Variants in SPRYD4 observed in about 807,000 individuals in gnomAD.
SPRYD4 encodes the protein SPRY domain-containing protein 4.
In SPRYD4, 12 loss-of-function variants were observed where a neutral mutation model predicts 16.6. The ratio of observed to expected loss-of-function variants is 0.72; its 90% CI spans 0.46 to 1.17. The LOEUF (loss-of-function observed/expected upper bound fraction) is 1.17, where lower values mean the gene tolerates loss of function less well. SPRYD4 is among the 50% of genes most tolerant of loss of function. The pLI is 0.00. For synonymous variants in SPRYD4, 98 were observed against 105.4 expected, an observed-to-expected ratio of 0.93 and a Z score of 0.43; for missense variants, 260 against 260.2, an observed-to-expected ratio of 1.00 and a Z score of 0.00.
In SPRYD4 at chr12:56,475,899, T is replaced by C. The variant is rs1307937516; in HGVS notation, c.*6322T>C. Reference sequence around the variant, plus strand: ...ACTGGGGCAGCTGGAGAGGACAGCATGCCATGGCGAAATGCAGCCAGGGGC... The same window carrying C: ...ACTGGGGCAGCTGGAGAGGACAGCACGCCATGGCGAAATGCAGCCAGGGGC... On this transcript the variant is annotated 3_prime_UTR_variant, in exon 2 of 2. Coordinates refer to ENST00000338146, the MANE Select transcript of SPRYD4 (RefSeq NM_207344.4). 2.5e-6 allele frequency: 4 copies of C among 1,606,754 alleles called. No individual in the cohort carries two copies. The highest frequency in any genetic ancestry group is 3.4e-6 in the Non-Finnish European group (4 of 1,173,678).
chr12:56,473,881 GTAAA>G lies in SPRYD4; in HGVS notation c.*4311_*4314del, dbSNP rs1869536901. 1 of 306,748 alleles carries G rather than the reference GTAAA, an allele frequency of 3.3e-6. No individual in the cohort carries two copies. Among genetic ancestry groups the G allele is most frequent in the Non-Finnish European group, 6.0e-6 (1 of 167,380 alleles). 19.0% of individuals were successfully genotyped at this position (306,748 alleles called of 1,614,324 possible). The stretch of plus-strand genomic sequence containing the variant: ...GTGTTAGGAGATAGGTAATAAACAG[GTAAA>G]TAAATAGACACGTAATGTTTAAAGT... On this transcript the variant is annotated 3_prime_UTR_variant, in exon 2 of 2. Transcript: ENST00000338146.
In SPRYD4 at chr12:56,473,405, A is replaced by G; in HGVS notation, c.*3828A>G. ...ATTGCTTTATTATAGTAAAAGTGGT[A>G]CCATTAAACAAATTTATTGCTTCAA... On this transcript the variant is annotated 3_prime_UTR_variant, in exon 2 of 2. Coordinates refer to ENST00000338146, the MANE Select transcript of SPRYD4 (RefSeq NM_207344.4). 6.2e-7 allele frequency: 1 copy of G among 1,603,210 alleles called. No individual in the cohort carries two copies. The highest frequency in any genetic ancestry group is 8.5e-7 in the Non-Finnish European group (1 of 1,173,740).
Position 56,468,585 on chromosome 12 carries a change from G to A in SPRYD4, c.-7G>A, listed in dbSNP as rs768338495. ...GGGAGGCGTGCCCGGTTCATCCAAGGCGCAAGATGGCGCTGCTTTTTGCAC... is the reference window on the plus strand; with the variant it reads ...GGGAGGCGTGCCCGGTTCATCCAAGACGCAAGATGGCGCTGCTTTTTGCAC... On this transcript the variant is annotated 5_prime_UTR_variant, in exon 1 of 2. Coordinates refer to ENST00000338146, the MANE Select transcript of SPRYD4 (RefSeq NM_207344.4). The A allele has an allele frequency of 5.0e-6, 8 of 1,612,644 alleles. No individual in the cohort carries two copies. The Admixed American group carries it at 6.7e-5, about 13-fold the overall frequency.
In SPRYD4 at chr12:56,473,859, TTAGGAGA is replaced by T. The variant is rs1050846922; in HGVS notation, c.*4287_*4293del. 53 of 383,846 alleles carry T rather than the reference TTAGGAGA, an allele frequency of 1.4e-4. 1 individual carries two copies. The highest frequency in any genetic ancestry group is 1.0e-3 in the African/African-American group (51 of 48,608). 23.8% of individuals were successfully genotyped at this position (383,846 alleles called of 1,614,324 possible). ...AGAACTAGGAACTTCCATTCTGGTGTTAGGAGATAGGTAATAAACAGGTAAATAAATA... is the reference window on the plus strand; with the variant it reads ...AGAACTAGGAACTTCCATTCTGGTGTTAGGTAATAAACAGGTAAATAAATA... On this transcript the variant is annotated 3_prime_UTR_variant, in exon 2 of 2. Coordinates refer to ENST00000338146, the MANE Select transcript of SPRYD4 (RefSeq NM_207344.4).
chr12:56,472,595 A>G lies in SPRYD4; in HGVS notation c.*3018A>G. ...GCAATCTATATCCATTCTAATTCCA[A>G]AGCTGAAGCACTTAACTATTTTGTT... On this transcript the variant is annotated 3_prime_UTR_variant, in exon 2 of 2. Coordinates refer to ENST00000338146, the MANE Select transcript of SPRYD4 (RefSeq NM_207344.4). 8.7e-7 allele frequency: 1 copy of G among 1,150,776 alleles called. No homozygotes were observed. 71.3% of individuals were successfully genotyped at this position (1,150,776 alleles called of 1,614,324 possible).
In SPRYD4 at chr12:56,469,619, C is replaced by T. The variant is rs1286845644; in HGVS notation, c.*42C>T. 1.9e-6 allele frequency: 3 copies of T among 1,559,534 alleles called. No homozygotes were observed. Among genetic ancestry groups the T allele is most frequent in the Admixed American group, 2.0e-5 (1 of 51,200 alleles). ...GTCCCTAATCACGCCTTTGGCCAGCCTCCTTTTGAAAGTGTCCGAAGCCTT... is the reference window on the plus strand; with the variant it reads ...GTCCCTAATCACGCCTTTGGCCAGCTTCCTTTTGAAAGTGTCCGAAGCCTT... On this transcript the variant is annotated 3_prime_UTR_variant, in exon 2 of 2. Coordinates refer to ENST00000338146, the MANE Select transcript of SPRYD4 (RefSeq NM_207344.4).
At position 56,474,608 on chromosome 12, in the gene SPRYD4, C is replaced by T. The variant is rs778954931; in HGVS notation, c.*5031C>T. The T allele has an allele frequency of 5.0e-6, 8 of 1,614,160 alleles. No individual in the cohort carries two copies. Among genetic ancestry groups the T allele is most frequent in the South Asian group, 3.3e-5 (3 of 91,086 alleles). On this transcript the variant is annotated 3_prime_UTR_variant, in exon 2 of 2. Transcript: ENST00000338146. ...GGAATGCATGAGGCTGAGGGTGTTG[C>T]GCACTGCTTCAGCACTCAGCACACT... is the stretch of plus-strand genomic sequence containing the variant.
In SPRYD4 at chr12:56,474,543, C is replaced by G. The variant is rs1469719484; in HGVS notation, c.*4966C>G. The G allele has an allele frequency of 6.2e-7, 1 of 1,613,754 alleles. No homozygotes were observed. Among genetic ancestry groups the G allele is most frequent in the Non-Finnish European group, 8.5e-7 (1 of 1,180,030 alleles). On this transcript the variant is annotated 3_prime_UTR_variant, in exon 2 of 2. Coordinates refer to ENST00000338146, the MANE Select transcript of SPRYD4 (RefSeq NM_207344.4). ...GATGGATAGCAGAGCCAGAAACTCA[C>G]GTGGAAGGCAAACTGGCCAGAGAAG... is the stretch of plus-strand genomic sequence containing the variant.
Position 56,472,021 on chromosome 12 carries a change from C to A in SPRYD4, c.*2444C>A. 7.2e-7 allele frequency: 1 copy of A among 1,388,992 alleles called. No individual in the cohort carries two copies. Among genetic ancestry groups the A allele is most frequent in the South Asian group, 1.2e-5 (1 of 82,716 alleles). The allele number at this position is 1,388,992 out of a possible 1,614,324, so 86.0% of individuals were successfully genotyped here. A position where few individuals can be genotyped will look rare whatever the true frequency, so the allele number is the denominator to read the frequency against. On this transcript the variant is annotated 3_prime_UTR_variant, in exon 2 of 2. Coordinates refer to ENST00000338146, the MANE Select transcript of SPRYD4 (RefSeq NM_207344.4). ...GTGTCTAGATAAAACTAGTTGCTGC[C>A]CCTATAACCTTGAGGGCACATATAA... is the stretch of plus-strand genomic sequence containing the variant.
In SPRYD4 at chr12:56,474,580, G is replaced by A. The variant is rs200425538; in HGVS notation, c.*5003G>A. ...ACTGGCCAGAGAAGTCATACATGCC[G>A]CAGGAATGCATGAGGCTGAGGGTGT... On this transcript the variant is annotated 3_prime_UTR_variant, in exon 2 of 2. Coordinates refer to ENST00000338146, the MANE Select transcript of SPRYD4 (RefSeq NM_207344.4). 124 of 1,614,128 alleles carry A rather than the reference G, an allele frequency of 7.7e-5. 1 individual carries two copies. In the East Asian group the frequency reaches 1.3e-3, roughly 17 times the overall value.
rs775529829 is a variant in SPRYD4 at position 56,469,090 on chromosome 12, TC to T, written c.138del (p.Phe46LeufsTer21). 6 of 1,610,274 alleles carry T rather than the reference TC, an allele frequency of 3.7e-6. No individual in the cohort carries two copies. The highest frequency in any genetic ancestry group is 4.2e-6 in the Non-Finnish European group (5 of 1,177,886). ...EKTAHSSLAL[F>X]RDDTGVKYGL... ...ACCGCCCACAGCAGCCTGGCACTCTTCAGAGATGATACGGGTGTCAAATATG... is the reference window on the plus strand; with the variant it reads ...ACCGCCCACAGCAGCCTGGCACTCTTAGAGATGATACGGGTGTCAAATATG... On this transcript the variant is annotated frameshift_variant, in exon 2 of 2. Coordinates refer to ENST00000338146, the MANE Select transcript of SPRYD4 (RefSeq NM_207344.4). LOFTEE classifies it high-confidence loss of function.
Position 56,471,968 on chromosome 12 carries a change from C to G in SPRYD4, c.*2391C>G. ...TTCCCATTTTGTACCCTGCAGCACT[C>G]AGTCATAGTCTAGCTGCAAACCGAA... is the stretch of plus-strand genomic sequence containing the variant. On this transcript the variant is annotated 3_prime_UTR_variant, in exon 2 of 2. Transcript: ENST00000338146. 7.9e-7 allele frequency: 1 copy of G among 1,261,548 alleles called. No individual in the cohort carries two copies. Among genetic ancestry groups the G allele is most frequent in the Admixed American group, 1.8e-5 (1 of 57,064 alleles). The allele number at this position is 1,261,548 out of a possible 1,614,324, so 78.1% of individuals were successfully genotyped here.
chr12:56,479,428 ATATG>A lies in SPRYD4; in HGVS notation c.*9861_*9864del, dbSNP rs1053692213. On this transcript the variant is annotated 3_prime_UTR_variant, in exon 2 of 2. Coordinates refer to ENST00000338146, the MANE Select transcript of SPRYD4 (RefSeq NM_207344.4). Reference sequence around the variant, plus strand: ...GAGAAAAAAAATAAATACCAGAATAATATGTATGTATGTTACCTTGATATTTAAA... The same window carrying A: ...GAGAAAAAAAATAAATACCAGAATAATATGTATGTTACCTTGATATTTAAA... 8 of 460,476 alleles carry A rather than the reference ATATG, an allele frequency of 1.7e-5. No individual in the cohort carries two copies. Among genetic ancestry groups the A allele is most frequent in the Admixed American group, 3.9e-5 (1 of 25,874 alleles). 28.5% of individuals were successfully genotyped at this position (460,476 alleles called of 1,614,324 possible).
Position 56,471,997 on chromosome 12 carries a change from T to C in SPRYD4, c.*2420T>C. On this transcript the variant is annotated 3_prime_UTR_variant, in exon 2 of 2. Coordinates refer to ENST00000338146, the MANE Select transcript of SPRYD4 (RefSeq NM_207344.4). The stretch of plus-strand genomic sequence containing the variant: ...CATAGTCTAGCTGCAAACCGAAGGG[T>C]GTCTAGATAAAACTAGTTGCTGCCC... 4 of 1,285,924 alleles carry C rather than the reference T, an allele frequency of 3.1e-6. No individual in the cohort carries two copies. Among genetic ancestry groups the C allele is most frequent in the South Asian group, 1.3e-5 (1 of 79,208 alleles). The allele number at this position is 1,285,924 out of a possible 1,614,324, so 79.7% of individuals were successfully genotyped here.
rs890474051 is a variant in SPRYD4, at chr12:56,475,433, T to G, written c.*5856T>G. ...ACTGCCTCTCTCATTATGTACTAAT[T>G]AGAAATGGAACAAATTATTTTACAA... On this transcript the variant is annotated 3_prime_UTR_variant, in exon 2 of 2. Coordinates refer to ENST00000338146, the MANE Select transcript of SPRYD4 (RefSeq NM_207344.4). The G allele has an allele frequency of 2.8e-6, 2 of 711,736 alleles. No homozygotes were observed. The highest frequency in any genetic ancestry group is 4.6e-6 in the Non-Finnish European group (2 of 436,536). 44.1% of individuals were successfully genotyped at this position (711,736 alleles called of 1,614,324 possible).
Position 56,471,961 on chromosome 12 carries a change from C to T in SPRYD4, c.*2384C>T, listed in dbSNP as rs373027743. 2.3e-5 allele frequency: 29 copies of T among 1,280,862 alleles called. No individual in the cohort carries two copies. In the South Asian group the frequency reaches 3.5e-4, roughly 15 times the overall value. The allele number at this position is 1,280,862 out of a possible 1,614,324, so 79.3% of individuals were successfully genotyped here. The stretch of plus-strand genomic sequence containing the variant: ...AGGCCTCTTCCCATTTTGTACCCTG[C>T]AGCACTCAGTCATAGTCTAGCTGCA... On this transcript the variant is annotated 3_prime_UTR_variant, in exon 2 of 2. Transcript: ENST00000338146.
chr12:56,474,369 T>C lies in SPRYD4; in HGVS notation c.*4792T>C, dbSNP rs1413966303. The C allele has an allele frequency of 6.8e-6, 5 of 734,264 alleles. No homozygotes were observed. The African/African-American group carries it at 8.9e-5, about 13-fold the overall frequency. 45.5% of individuals were successfully genotyped at this position (734,264 alleles called of 1,614,324 possible). A position where few individuals can be genotyped will look rare whatever the true frequency, so the allele number is the denominator to read the frequency against. ...CTCCCAAAGACATCTCTTTATATAT[T>C]CGAGGAACTTGGTGTTTTTGAGAAA... On this transcript the variant is annotated 3_prime_UTR_variant, in exon 2 of 2. Coordinates refer to ENST00000338146, the MANE Select transcript of SPRYD4 (RefSeq NM_207344.4).
In SPRYD4 at chr12:56,475,887, G is replaced by A. The variant is rs1236951698; in HGVS notation, c.*6310G>A. The stretch of plus-strand genomic sequence containing the variant: ...GGTTAGAGAGCCACTGGGGCAGCTG[G>A]AGAGGACAGCATGCCATGGCGAAAT... On this transcript the variant is annotated 3_prime_UTR_variant, in exon 2 of 2. Coordinates refer to ENST00000338146, the MANE Select transcript of SPRYD4 (RefSeq NM_207344.4). The A allele has an allele frequency of 1.3e-6, 2 of 1,586,420 alleles. No homozygotes were observed. The highest frequency in any genetic ancestry group is 1.7e-6 in the Non-Finnish European group (2 of 1,155,210).
chr12:56,479,077 T>C lies in SPRYD4; in HGVS notation c.*9500T>C. 1 of 1,612,426 alleles carries C rather than the reference T, an allele frequency of 6.2e-7. No homozygotes were observed. Among genetic ancestry groups the C allele is most frequent in the Non-Finnish European group, 8.5e-7 (1 of 1,179,420 alleles). On this transcript the variant is annotated 3_prime_UTR_variant, in exon 2 of 2. Transcript: ENST00000338146. The stretch of plus-strand genomic sequence containing the variant: ...TTTGCCTCCAGTGAGCTCTTTGACA[T>C]CCTCAAAGATGCGATCCACATGGCC...
Sources: allele counts gnomAD v4.1 joint callset, GRCh38; gene constraint gnomAD v4.1.1; transcripts MANE v1.5; gene names NCBI Gene and HGNC (gene_info 2026-07-23, HGNC 2026-07-21).